Variants in SIRT5 observed in about 807,000 individuals in gnomAD.
SIRT5 encodes the protein sirtuin 5, also known as NAD-dependent protein deacylase sirtuin-5, mitochondrial.
SIRT5 carries 26 observed loss-of-function variants against 40.0 expected under a neutral mutation model. That is an observed-to-expected ratio of 0.65 (90% confidence interval 0.48 to 0.90). The LOEUF (loss-of-function observed/expected upper bound fraction) is 0.90. Among genes scored for constraint, SIRT5 ranks in the 40% least tolerant of loss-of-function variants. The pLI, the probability that SIRT5 is intolerant of heterozygous loss-of-function variation, is 0.00. For missense variants in SIRT5, 401 were observed against 402.4 expected (o/e 1.00, Z 0.03); for synonymous variants, 146 against 149.1 (o/e 0.98, Z 0.15).
intron 9 of SIRT5, among the ~76,000 whole-genome samples, chr6:13,610,746 T>G (rs1763723956): frequency 6.6e-6 from 1 of 152,180 alleles, no homozygotes; most frequent in Admixed American, 6.5e-5. Flanking sequence ...AAGTCAGTGC[T>G]CAGCACGTGG....
At chr6:13,581,947 T>G (rs1025382255) in intron 2 of SIRT5, among the ~76,000 whole-genome samples, 1 of 152,188 alleles carries the variant, frequency 6.6e-6, no homozygotes, top group Non-Finnish European at 1.5e-5. Context: ...CTCTCTTCAT[T>G]CCTTCCACCT....
At chr6:13,604,330 G>C (rs995577239) in intron 9 of SIRT5, 4 of 697,098 alleles carry the variant, frequency 5.7e-6, no homozygotes, top group South Asian at 1.7e-5. Flanking sequence ...ATGACTAAGC[G>C]TAGTAATACC....
At chr6:13,583,017 C>A (rs1759555185) in intron 2 of SIRT5, among the ~76,000 whole-genome samples, 1 of 151,956 alleles carries the variant, frequency 6.6e-6, no homozygotes, top group Non-Finnish European at 1.5e-5. Flanking sequence ...ACCAGCCTGG[C>A]CAACATGGTG....
chr6:13,604,347 A>C (rs903446594), intron 9 of SIRT5: 1 of 732,186 alleles, frequency 1.4e-6, no homozygotes, highest in Non-Finnish European at 2.4e-6. Flanking sequence ...TACCGGAGCT[A>C]GGCAGCTCAA....
At position 13,589,272 on chromosome 6, in the gene SIRT5, G is replaced by C. The variant is rs1210914637; in HGVS notation, c.249+808G>C. On this transcript the variant is annotated intron_variant, in intron 4 of 9. Transcript: ENST00000606117. ...GCCTCCCGAGTAGCTGGGATTACAG[G>C]CATGCACCGCCACACCCGGCTAATT... 2.6e-5 allele frequency: 4 copies of C among 152,676 alleles called. No homozygotes were observed. In the East Asian group the frequency reaches 7.7e-4, roughly 29 times the overall value. 9.5% of individuals were successfully genotyped at this position (152,676 alleles called of 1,614,324 possible).
At chr6:13,598,067 A>C (rs1761834456) in intron 7 of SIRT5, among the ~76,000 whole-genome samples, 1 of 152,224 alleles carries the variant, frequency 6.6e-6, no homozygotes, top group African/African-American at 2.4e-5. Flanking sequence ...TGGTTGTAAT[A>C]CGTATGTTAA....
Position 13,608,072 on chromosome 6 carries a change from A to T in SIRT5, c.858-3718A>T, listed in dbSNP as rs79940149. ...CACTGTGCCTGGCTGAAACACTGACATTTTAAAATAAAAACTACCATATCA... is the reference window on the plus strand; with the variant it reads ...CACTGTGCCTGGCTGAAACACTGACTTTTTAAAATAAAAACTACCATATCA... On this transcript the variant is annotated intron_variant, in intron 9 of 9. Transcript: ENST00000606117. 1.4e-4 allele frequency among the ~76,000 whole-genome samples: 21 copies of T among 152,324 alleles called. No homozygotes were observed. In the East Asian group the frequency reaches 4.1e-3, roughly 29 times the overall value.
At chr6:13,608,915 G>A (rs1033894125) in intron 9 of SIRT5, among the ~76,000 whole-genome samples, 42 of 151,560 alleles carry the variant, frequency 2.8e-4, no homozygotes, top group Admixed American at 1.9e-3. Context: ...TCTGCCTCCC[G>A]GATTCAAGCG....
chr6:13,604,426 G>A lies in SIRT5; in HGVS notation c.857+3477G>A, dbSNP rs189215904. Reference sequence around the variant, plus strand: ...GGACAGGATAAACTTTGTGAAGCAGGACCTGAGCTATGTCCCCAGTTTGGT... The same window carrying A: ...GGACAGGATAAACTTTGTGAAGCAGAACCTGAGCTATGTCCCCAGTTTGGT... On this transcript the variant is annotated intron_variant, in intron 9 of 9. Coordinates refer to ENST00000606117, the MANE Select transcript of SIRT5 (RefSeq NM_012241.5). The A allele has an allele frequency of 1.6e-5, 17 of 1,096,280 alleles. No individual in the cohort carries two copies. The East Asian group carries it at 4.0e-4, about 26-fold the overall frequency. 67.9% of individuals were successfully genotyped at this position (1,096,280 alleles called of 1,614,324 possible). A position where few individuals can be genotyped will look rare whatever the true frequency, so the allele number is the denominator to read the frequency against.
rs1763267149 is a variant in SIRT5, at chr6:13,607,495, A to G, written c.858-4295A>G. Among the ~76,000 whole-genome samples the G allele has an allele frequency of 1.3e-5, 2 of 152,104 alleles. No homozygotes were observed. The highest frequency in any genetic ancestry group is 2.1e-4 in the South Asian group (1 of 4,828). ...ACTCTCTTAACAGCTCTATTTTTGC[A>G]GTTTATTACGTAATTTTAAATGCAG... On this transcript the variant is annotated intron_variant, in intron 9 of 9. Coordinates refer to ENST00000606117, the MANE Select transcript of SIRT5 (RefSeq NM_012241.5). The surrounding 1 kb of genome is among the most constrained non-coding windows in gnomAD (Gnocchi z 4.0).
intron 5 of SIRT5, 43 bp downstream of exon 5, chr6:13,591,937 A>T (rs199625394): frequency 1.5e-4 from 241 of 1,565,020 alleles, no homozygotes; most frequent in Non-Finnish European, 1.2e-4. Context: ...CAGCTTTAAA[A>T]CACCTGTCCT....
chr6:13,587,548 T>G lies in SIRT5; in HGVS notation c.116-783T>G, dbSNP rs576072563. On this transcript the variant is annotated intron_variant, in intron 3 of 9. Transcript: ENST00000606117. The stretch of plus-strand genomic sequence containing the variant: ...CCACGTAAAGTGCTTGGCATAGCAC[T>G]TGGGGTGCAGGGAGCCCTCACCACC... 9.8e-5 allele frequency among the ~76,000 whole-genome samples: 15 copies of G among 152,324 alleles called. No individual in the cohort carries two copies. The East Asian group carries it at 2.7e-3, about 27-fold the overall frequency.
chr6:13,606,045 T>C (rs1437632018), intron 9 of SIRT5, among the ~76,000 whole-genome samples: 2 of 152,242 alleles, frequency 1.3e-5, no homozygotes, highest in Non-Finnish European at 2.9e-5. Flanking sequence ...GGAAAGATTA[T>C]ATTCTAGTGG....
intron 9 of SIRT5, among the ~76,000 whole-genome samples, chr6:13,603,169 C>T (rs1217837639): frequency 5.4e-5 from 8 of 148,508 alleles, no homozygotes; most frequent in African/African-American, 1.7e-4. Context: ...CCCAGCTACT[C>T]GGGAGGCTGA....
Position 13,597,034 on chromosome 6 carries a change from A to G in SIRT5, c.617+18A>G. 6.3e-7 allele frequency: 1 copy of G among 1,593,100 alleles called. No individual in the cohort carries two copies. Among genetic ancestry groups the G allele is most frequent in the South Asian group, 1.1e-5 (1 of 89,166 alleles). On this transcript the variant is annotated intron_variant, in intron 7 of 9. Transcript: ENST00000606117. ...CTTCCCCGGTAGGTAGAAAACTCTG[A>G]TTTGTACTGGTGTTCCAGGTTACCA...
At chr6:13,594,935 C>T (rs1761379215) in intron 5 of SIRT5, among the ~76,000 whole-genome samples, 2 of 152,112 alleles carry the variant, frequency 1.3e-5, no homozygotes, top group South Asian at 2.1e-4. Context: ...TTTCTGAAAT[C>T]GAAGTTAAAA....
upstream of SIRT5, chr6:13,574,529 A>T (rs1317433233): frequency 2.4e-5 from 3 of 123,896 alleles, no homozygotes; most frequent in African/African-American, 9.3e-5. Context: ...GGAGGAAGGG[A>T]TGTGGGGGAT....
At chr6:13,588,544 C>G (rs1760389049) in intron 4 of SIRT5, 80 bp downstream of exon 4, 10 of 1,476,540 alleles carry the variant, frequency 6.8e-6, no homozygotes, top group Non-Finnish European at 9.1e-6. Context: ...TATACCGATC[C>G]CCGAAACCCC....
chr6:13,600,861 G>T lies in SIRT5; in HGVS notation c.769G>T (p.Ala257Ser). The change falls in exon 9 of 10, where the codon GCA (alanine) becomes TCA (serine). Residue 257 changes from alanine (A) to serine (S), a missense_variant. By Grantham distance (99) the Ala-to-Ser change is moderately conservative. Transcript: ENST00000606117. ...VVGTSSVVYP[A>S]AMFAPQVAAR... Reference sequence around the variant, plus strand: ...GGGCACTTCCTCTGTGGTGTACCCAGCAGCCATGTTTGCCCCCCAGGTGGC... The same window carrying T: ...GGGCACTTCCTCTGTGGTGTACCCATCAGCCATGTTTGCCCCCCAGGTGGC... The T allele has an allele frequency of 1.2e-6, 2 of 1,614,084 alleles. No individual in the cohort carries two copies. The highest frequency in any genetic ancestry group is 8.5e-7 in the Non-Finnish European group (1 of 1,179,992).
Sources: allele counts gnomAD v4.1 joint callset (sites outside exome capture counted in the v4.1 genomes callset), GRCh38; gene constraint gnomAD v4.1.1; non-coding constraint Gnocchi (gnomAD v3.1); transcripts MANE v1.5; gene names NCBI Gene and HGNC (gene_info 2026-07-23, HGNC 2026-07-21).